OVOL1: variants seen among roughly 807,000 people sequenced by gnomAD.
OVOL1 encodes putative transcription factor Ovo-like 1.
In OVOL1, 10 loss-of-function variants were observed where a neutral mutation model predicts 21.5. That is an observed-to-expected ratio of 0.46 (90% CI 0.29 to 0.79). OVOL1 has a LOEUF of 0.79. OVOL1 is among the 30% of genes least tolerant of loss of function. The pLI, the probability that OVOL1 is intolerant of heterozygous loss-of-function variation, is 0.10. For missense variants in OVOL1, 279 were observed against 362.3 expected (o/e 0.77, Z 1.87); for synonymous variants, 129 against 150.3 (o/e 0.86, Z 1.03).
chr11:65,787,366 G>A lies in OVOL1; in HGVS notation c.-8G>A, dbSNP rs1333607286. The A allele has an allele frequency of 2.5e-6, 4 of 1,574,970 alleles. No homozygotes were observed. Among genetic ancestry groups the A allele is most frequent in the East Asian group, 2.4e-5 (1 of 42,096 alleles). On this transcript the variant is annotated 5_prime_UTR_variant, in exon 1 of 4. Coordinates refer to ENST00000335987, the MANE Select transcript of OVOL1 (RefSeq NM_004561.4). The stretch of plus-strand genomic sequence containing the variant: ...AAGCGGCCCGTGTCCAGCGACGAGG[G>A]TTCGAAAATGCCCCGCGCGTTCCTG...
intron 1 of OVOL1, chr11:65,790,129 G>A (rs1363298025): frequency 6.7e-6 from 1 of 149,148 alleles, no homozygotes; most frequent in Admixed American, 6.8e-5. Context: ...GTTCCTTGAG[G>A]ATAAACCTAG....
rs907685090 is a variant in OVOL1, at chr11:65,796,968, C to T, written c.*1627C>T. 1 of 152,234 alleles carries T rather than the reference C, an allele frequency of 6.6e-6. No individual in the cohort carries two copies. The highest frequency in any genetic ancestry group is 1.5e-5 in the Non-Finnish European group (1 of 68,048). The allele number at this position is 152,234 out of a possible 1,614,324, so 9.4% of individuals were successfully genotyped here. A position where few individuals can be genotyped will look rare whatever the true frequency, so the allele number is the denominator to read the frequency against. ...GGCTGACCTGAGAGGAAGGCTCCTT[C>T]CTGGACTGCCCTCTGAAATGTGTAT... On this transcript the variant is annotated 3_prime_UTR_variant, in exon 4 of 4. Transcript: ENST00000335987.
chr11:65,788,246 A>G (rs1379054591), intron 1 of OVOL1, among the ~76,000 whole-genome samples: 1 of 152,200 alleles, frequency 6.6e-6, no homozygotes, highest in Non-Finnish European at 1.5e-5. Context: ...AAGCTGGTGT[A>G]CCCAGTTATT....
rs1858107397 is a variant in OVOL1, at chr11:65,795,217, G to C, written c.680G>C (p.Gly227Ala). 1.2e-6 allele frequency: 2 copies of C among 1,613,472 alleles called. No individual in the cohort carries two copies. Among genetic ancestry groups the C allele is most frequent in the Non-Finnish European group, 1.7e-6 (2 of 1,180,022 alleles). ...GGCTGCACATCTGAGAGCCAGGAGG[G>C]CCACGTCCTGCACCTGAAGGAGCAC... ...ECGCTSESQE[G>A]HVLHLKEHHP... The change falls in exon 4 of 4, where the codon GGC becomes GCC. Residue 227 changes from glycine (G) to alanine (A), a missense_variant. Gly to Ala is a moderately conservative substitution (Grantham distance 60, BLOSUM62 0). Transcript: ENST00000335987. This position sits in a 1 kb window ranked among gnomAD's most constrained non-coding sequence, Gnocchi z 5.7.
chr11:65,791,160 A>T (rs760959803), intron 1 of OVOL1, among the ~76,000 whole-genome samples: 2 of 152,228 alleles, frequency 1.3e-5, no homozygotes, highest in Non-Finnish European at 2.9e-5. Context: ...GGCAGTTCAC[A>T]GCGTGGAAAC....
Position 65,794,147 on chromosome 11 carries a change from G to C in OVOL1, c.217G>C (p.Ala73Pro), listed in dbSNP as rs1235115774. Residue 73 changes from alanine (A) to proline (P), a missense_variant, in exon 2 of 4, where the codon GCC becomes CCC. Coordinates refer to ENST00000335987, the MANE Select transcript of OVOL1 (RefSeq NM_004561.4). Reference sequence around the variant, plus strand: ...CCTTCGAGACTCTAGCTACAGCATGGCCCCCGGGCCCTGTGTGGTGGCCCA... The same window carrying C: ...CCTTCGAGACTCTAGCTACAGCATGCCCCCCGGGCCCTGTGTGGTGGCCCA... Reference protein sequence around the residue: ...MSLRDSSYSMAPGPCVVAQLP... With the variant: ...MSLRDSSYSMPPGPCVVAQLP... 6.2e-7 allele frequency: 1 copy of C among 1,613,670 alleles called. No homozygotes were observed. Among genetic ancestry groups the C allele is most frequent in the African/African-American group, 1.3e-5 (1 of 74,924 alleles).
Position 65,794,744 on chromosome 11 carries a change from G to A in OVOL1, c.508+17G>A, listed in dbSNP as rs778883622. Reference sequence around the variant, plus strand: ...CTCACACTGGTAAGTGGAAGCCCACGGCTGGGAGGAGCACGCCGGATCCGC... The same window carrying A: ...CTCACACTGGTAAGTGGAAGCCCACAGCTGGGAGGAGCACGCCGGATCCGC... On this transcript the variant is annotated intron_variant, in intron 3 of 3. Coordinates refer to ENST00000335987, the MANE Select transcript of OVOL1 (RefSeq NM_004561.4). 17 of 1,610,662 alleles carry A rather than the reference G, an allele frequency of 1.1e-5. No individual in the cohort carries two copies. The highest frequency in any genetic ancestry group is 1.6e-4 in the Middle Eastern group (1 of 6,076).
At position 65,794,546 on chromosome 11, in the gene OVOL1, TG is replaced by T; in HGVS notation, c.331del (p.Asp111ThrfsTer23). ...GCCGTCCTCACCCACAGGTGACCCT[TG>T]GGGACAGTCCCAGTGGAGACCTGTT... ...FLRTKMKVTL[G>X]DSPSGDLFTC... is the part of the protein sequence containing the mutation. On this transcript the variant is annotated frameshift_variant, in exon 3 of 4. Coordinates refer to ENST00000335987, the MANE Select transcript of OVOL1 (RefSeq NM_004561.4). LOFTEE classifies it high-confidence loss of function. 6.2e-7 allele frequency: 1 copy of T among 1,613,202 alleles called. No homozygotes were observed. Among genetic ancestry groups the T allele is most frequent in the South Asian group, 1.1e-5 (1 of 91,084 alleles).
Position 65,794,181 on chromosome 11 carries a change from C to T in OVOL1, c.251C>T (p.Ser84Phe). ...PGPCVVAQLPSEDMGHLTDPQ... is the reference protein window; with the variant it reads ...PGPCVVAQLPFEDMGHLTDPQ... ...CCCTGTGTGGTGGCCCAGCTGCCCT[C>T]TGAAGACATGGGCCACTTGACAGAC... Residue 84 changes from serine (S) to phenylalanine (F), a missense_variant, in exon 2 of 4, where the codon TCT (serine) becomes TTT (phenylalanine). Physicochemically the swap from Ser to Phe is radical, Grantham distance 155 (BLOSUM62 -2). Coordinates refer to ENST00000335987, the MANE Select transcript of OVOL1 (RefSeq NM_004561.4). The T allele has an allele frequency of 1.2e-6, 2 of 1,613,726 alleles. No individual in the cohort carries two copies. Among genetic ancestry groups the T allele is most frequent in the Non-Finnish European group, 1.7e-6 (2 of 1,180,020 alleles).
chr11:65,794,005 C>G (rs756156168), intron 1 of OVOL1, 26 bp from the exon 2 acceptor site: 9 of 1,592,962 alleles, frequency 5.6e-6, no homozygotes, highest in Non-Finnish European at 7.7e-6. Context: ...TCCACCAAGC[C>G]TCTCACCTGT....
chr11:65,795,876 G>A lies in OVOL1; in HGVS notation c.*535G>A. 1 of 177,634 alleles carries A rather than the reference G, an allele frequency of 5.6e-6. No homozygotes were observed. Among genetic ancestry groups the A allele is most frequent in the East Asian group, 1.3e-4 (1 of 7,454 alleles). 11.0% of individuals were successfully genotyped at this position (177,634 alleles called of 1,614,324 possible). On this transcript the variant is annotated 3_prime_UTR_variant, in exon 4 of 4. Transcript: ENST00000335987. This position sits in a 1 kb window ranked among gnomAD's most constrained non-coding sequence, Gnocchi z 5.7. Reference sequence around the variant, plus strand: ...GGTTCTGGAGGGCTCTGTCCTTCCGGCAAGGAGAGGCACACATGTGTGCCC... The same window carrying A: ...GGTTCTGGAGGGCTCTGTCCTTCCGACAAGGAGAGGCACACATGTGTGCCC...
At chr11:65,793,813 C>T (rs1370865408) in intron 1 of OVOL1, 8 of 589,858 alleles carry the variant, frequency 1.4e-5, no homozygotes, top group African/African-American at 3.7e-5. Flanking sequence ...AATTACTCAG[C>T]GGGCAGTGGC....
Position 65,795,557 on chromosome 11 carries a change from G to A in OVOL1, c.*216G>A. 1.7e-6 allele frequency: 1 copy of A among 596,418 alleles called. No individual in the cohort carries two copies. 36.9% of individuals were successfully genotyped at this position (596,418 alleles called of 1,614,324 possible). A position where few individuals can be genotyped will look rare whatever the true frequency, so the allele number is the denominator to read the frequency against. On this transcript the variant is annotated 3_prime_UTR_variant, in exon 4 of 4. Coordinates refer to ENST00000335987, the MANE Select transcript of OVOL1 (RefSeq NM_004561.4). This position sits in a 1 kb window ranked among gnomAD's most constrained non-coding sequence, Gnocchi z 5.7. Reference sequence around the variant, plus strand: ...TTGCATTTTTGACTTATGGGCCGAGGCTGTTCTGAGCCTGGGAAGATGTAC... The same window carrying A: ...TTGCATTTTTGACTTATGGGCCGAGACTGTTCTGAGCCTGGGAAGATGTAC...
At position 65,788,075 on chromosome 11, in the gene OVOL1, C is replaced by A. The variant is rs1046316899; in HGVS notation, c.100+602C>A. 7.9e-5 allele frequency among the ~76,000 whole-genome samples: 12 copies of A among 152,188 alleles called. No homozygotes were observed. The South Asian group carries it at 8.3e-4, about 10-fold the overall frequency. On this transcript the variant is annotated intron_variant, in intron 1 of 3. Coordinates refer to ENST00000335987, the MANE Select transcript of OVOL1 (RefSeq NM_004561.4). The stretch of plus-strand genomic sequence containing the variant: ...GCTAGTCCCGCGCAGTGAGCCGAGA[C>A]GGTGGGACAGGCGCCCGCTGCGCCC...
chr11:65,792,373 C>T (rs1184210293), intron 1 of OVOL1: 1 of 152,256 alleles, frequency 6.6e-6, no homozygotes, highest in Admixed American at 6.5e-5. Flanking sequence ...GGTAGAGGTT[C>T]CTGTTTGTCT....
Position 65,791,386 on chromosome 11 carries a change from C to T in OVOL1, c.101-2645C>T, listed in dbSNP as rs374511614. Among the ~76,000 whole-genome samples, 28 of 152,360 alleles carry T rather than the reference C, an allele frequency of 1.8e-4. No homozygotes were observed. In the South Asian group the frequency reaches 2.3e-3, roughly 12 times the overall value. On this transcript the variant is annotated intron_variant, in intron 1 of 3. Transcript: ENST00000335987. ...CTCACCTTCAGAACTGGGCTGACCC[C>T]CATGTTCTGGGGCAGCACCCATGTG...
intron 1 of OVOL1, among the ~76,000 whole-genome samples, chr11:65,788,287 G>T (rs981243620): frequency 1.1e-4 from 16 of 152,238 alleles, no homozygotes; most frequent in African/African-American, 3.6e-4. Context: ...CGTCGACTGT[G>T]AGAGTTGCTT....
intron 1 of OVOL1, among the ~76,000 whole-genome samples, chr11:65,787,780 G>A (rs920848576): frequency 1.3e-5 from 2 of 152,196 alleles, no homozygotes; most frequent in Non-Finnish European, 2.9e-5. Context: ...AGGAGGCAGC[G>A]GGGTGTGTCA....
chr11:65,787,555 G>A, intron 1 of OVOL1, 82 bp downstream of exon 1: 1 of 768,592 alleles, frequency 1.3e-6, no homozygotes, highest in Non-Finnish European at 1.7e-6. Context: ...CAGGTCCGCG[G>A]AGCCAGGCGG....
Sources: allele counts gnomAD v4.1 joint callset (sites outside exome capture counted in the v4.1 genomes callset), GRCh38; gene constraint gnomAD v4.1.1; non-coding constraint Gnocchi (gnomAD v3.1); transcripts MANE v1.5; gene names NCBI Gene and HGNC (gene_info 2026-07-23, HGNC 2026-07-21).